Variants in CASS4 observed in about 807,000 individuals in gnomAD.
CASS4 encodes Cas scaffold protein family member 4, also known as cas scaffolding protein family member 4.
In CASS4, 22 loss-of-function variants were observed where a neutral mutation model predicts 54.2. That is an observed-to-expected ratio of 0.41 (90% CI 0.29 to 0.58). The LOEUF is 0.58. Among genes scored for constraint, CASS4 ranks in the 20% least tolerant of loss-of-function variants. The probability of loss-of-function intolerance (pLI) is 0.36; values close to 1 mark genes in which losing one functional copy is unlikely to be tolerated. For missense variants in CASS4, 854 were observed against 986.7 expected (o/e 0.87, Z 1.80); for synonymous variants, 409 against 391.5 (o/e 1.04, Z -0.53).
At chr20:56,432,896 A>AGT (rs1569144377) in intron 1 of CASS4, among the ~76,000 whole-genome samples, 2 of 151,828 alleles carry the variant, frequency 1.3e-5, no homozygotes, top group Non-Finnish European at 2.9e-5. Flanking sequence ...AAGTGTGGGC[A>AGT]GGGGCGTCAC....
chr20:56,448,977 G>A (rs1159182131), intron 3 of CASS4, among the ~76,000 whole-genome samples: 4 of 152,182 alleles, frequency 2.6e-5, no homozygotes, highest in South Asian at 2.1e-4. Flanking sequence ...TGGAGAGGAT[G>A]TGGAGAAATA....
intron 1 of CASS4, among the ~76,000 whole-genome samples, chr20:56,428,828 G>A (rs1259202638): frequency 6.6e-6 from 1 of 152,198 alleles, no homozygotes; most frequent in Admixed American, 6.5e-5. Context: ...GCTACCTGCT[G>A]CTGCATGACC....
chr20:56,425,671 G>A (rs971447941), intron 1 of CASS4, among the ~76,000 whole-genome samples: 9 of 152,210 alleles, frequency 5.9e-5, no homozygotes, highest in African/African-American at 1.7e-4. Context: ...ATTCACCAGC[G>A]CAGGAGTCCT....
chr20:56,458,487 G>A lies in CASS4; in HGVS notation c.2101G>A (p.Glu701Lys). Residue 701 changes from glutamate to lysine, a missense_variant, in exon 6 of 6, where the codon GAG (glutamate) becomes AAG (lysine). By Grantham distance (56) the Glu-to-Lys change is moderately conservative (BLOSUM62 1). Transcript: ENST00000679887. ...HGSLSSSQPA[E>K]IITQSKLVIM... ...CAGCCTCAGCAGCAGCCAGCCCGCG[G>A]AGATCATCACTCAGAGCAAGCTGGT... is the stretch of plus-strand genomic sequence containing the variant. 1 of 1,614,188 alleles carries A rather than the reference G, an allele frequency of 6.2e-7. No individual in the cohort carries two copies.
In CASS4 at chr20:56,418,766, G is replaced by C. The variant is rs115210125; in HGVS notation, c.36+6272G>C. Among the ~76,000 whole-genome samples the C allele has an allele frequency of 8.1e-3, 1,228 of 152,322 alleles. 16 individuals are homozygous for C. Among genetic ancestry groups the C allele is most frequent in the African/African-American group, 0.028 (1,178 of 41,566 alleles). ...AGGAGTAGATAGCTTCTATTTATGTGTGTTACGTTTGATTCAGGAACACAA... is the reference window on the plus strand; with the variant it reads ...AGGAGTAGATAGCTTCTATTTATGTCTGTTACGTTTGATTCAGGAACACAA... On this transcript the variant is annotated intron_variant, in intron 1 of 5. Transcript: ENST00000679887.
At chr20:56,418,715 T>C (rs1979265041) in intron 1 of CASS4, among the ~76,000 whole-genome samples, 1 of 152,164 alleles carries the variant, frequency 6.6e-6, no homozygotes, top group South Asian at 2.1e-4. Flanking sequence ...TGGGGAGTGG[T>C]TGTGAGCAGA....
chr20:56,429,098 C>G (rs1334110859), intron 1 of CASS4, among the ~76,000 whole-genome samples: 1 of 152,212 alleles, frequency 6.6e-6, no homozygotes, highest in Non-Finnish European at 1.5e-5. Context: ...GATTTCCATC[C>G]CAGGAACAGG....
At position 56,450,630 on chromosome 20, in the gene CASS4, C is replaced by A. The variant is rs1031397464; in HGVS notation, c.593C>A (p.Pro198Gln). The A allele has an allele frequency of 6.2e-7, 1 of 1,614,112 alleles. No homozygotes were observed. Residue 198 changes from proline (P) to glutamine (Q), a missense_variant, in exon 4 of 6, where the codon CCA (proline) becomes CAA (glutamine). Pro to Gln is a moderately conservative substitution (Grantham distance 76, BLOSUM62 -1). Coordinates refer to ENST00000679887, the MANE Select transcript of CASS4 (RefSeq NM_020356.4). ...EPEKQQLYDI[P>Q]ASPKKAGLHP... The stretch of plus-strand genomic sequence containing the variant: ...GAGAAGCAGCAGTTATATGACATAC[C>A]AGCCAGCCCCAAGAAGGCAGGACTC...
intron 2 of CASS4, among the ~76,000 whole-genome samples, chr20:56,444,123 C>T (rs1404356969): frequency 1.3e-5 from 2 of 152,148 alleles, no homozygotes; most frequent in African/African-American, 4.8e-5. Flanking sequence ...TGGATTTTTA[C>T]ACTGTGTGCT....
At position 56,447,864 on chromosome 20, in the gene CASS4, C is replaced by T. The variant is rs1347732112; in HGVS notation, c.561+1863C>T. On this transcript the variant is annotated intron_variant, in intron 3 of 5. Coordinates refer to ENST00000679887, the MANE Select transcript of CASS4 (RefSeq NM_020356.4). ...TTGGGTGTAAAAGTTATCAATGGGC[C>T]GGGCGCGGTGGCTCACGCCTGTAAT... 3.9e-5 allele frequency among the ~76,000 whole-genome samples: 6 copies of T among 152,098 alleles called. No individual in the cohort carries two copies. In the South Asian group the frequency reaches 8.3e-4, roughly 21 times the overall value.
At chr20:56,445,078 C>T (rs563031449) in intron 2 of CASS4, among the ~76,000 whole-genome samples, 8 of 152,062 alleles carry the variant, frequency 5.3e-5, no homozygotes, top group African/African-American at 1.7e-4. Context: ...CCATTGCACT[C>T]CAGCCTGGGC....
intron 1 of CASS4, among the ~76,000 whole-genome samples, chr20:56,432,942 T>C (rs1979984543): frequency 2.0e-5 from 3 of 152,076 alleles, no homozygotes; most frequent in Non-Finnish European, 4.4e-5. Context: ...CAGACAGAAA[T>C]AGGAGCGCTC....
intron 2 of CASS4, among the ~76,000 whole-genome samples, chr20:56,439,692 AAAAC>A (rs1354539563): frequency 6.6e-6 from 1 of 152,102 alleles, no homozygotes; most frequent in African/African-American, 2.4e-5. Context: ...AAAAAATAAT[AAAAC>A]AAATGCAGAA....
chr20:56,432,239 A>G (rs897789571), intron 1 of CASS4, among the ~76,000 whole-genome samples: 2 of 152,146 alleles, frequency 1.3e-5, no homozygotes, highest in Non-Finnish European at 2.9e-5. Flanking sequence ...ATTGTTTCAG[A>G]TAATAAACCT....
chr20:56,429,044 G>C (rs1051870672), intron 1 of CASS4, among the ~76,000 whole-genome samples: 1 of 152,180 alleles, frequency 6.6e-6, no homozygotes, highest in Non-Finnish European at 1.5e-5. Flanking sequence ...AGTGCACGTG[G>C]GTGCAGTCAC....
chr20:56,441,621 AT>A (rs1980464681), intron 2 of CASS4, among the ~76,000 whole-genome samples: 2 of 151,936 alleles, frequency 1.3e-5, no homozygotes, highest in Admixed American at 6.6e-5. Flanking sequence ...AATAATAATA[AT>A]TTTTAATTTC....
In CASS4 at chr20:56,412,619, G is replaced by A. The variant is rs556471742; in HGVS notation, c.36+125G>A. 8.5e-5 allele frequency: 83 copies of A among 979,256 alleles called. No homozygotes were observed. The African/African-American group carries it at 1.2e-3, about 14-fold the overall frequency. 60.7% of individuals were successfully genotyped at this position (979,256 alleles called of 1,614,324 possible). ...GAATACCAGTGACGTGTGAGTTGGA[G>A]ATGGGAAAGTTTAACATAAGTTTAA... On this transcript the variant is annotated intron_variant, in intron 1 of 5. Transcript: ENST00000679887. This position sits in a 1 kb window ranked among gnomAD's most constrained non-coding sequence, Gnocchi z 4.2.
In CASS4 at chr20:56,437,438, C is replaced by T; in HGVS notation, c.311C>T (p.Pro104Leu). Residue 104 changes from proline to leucine, a missense_variant, in exon 2 of 6, where the codon CCC (proline) becomes CTC (leucine). Physicochemically the swap from Pro to Leu is moderately conservative, Grantham distance 98. Transcript: ENST00000679887. The surrounding 1 kb of genome is among the most constrained non-coding windows in gnomAD (Gnocchi z 4.7). ...GAGACCTATCAGGTGCCCACTCTAC[C>T]CCGCCCTCCCACTCCAGGCCCCGTT... ...SEETYQVPTL[P>L]RPPTPGPVYE... The T allele has an allele frequency of 6.2e-6, 10 of 1,613,980 alleles. No individual in the cohort carries two copies. The highest frequency in any genetic ancestry group is 8.5e-6 in the Non-Finnish European group (10 of 1,179,918).
At chr20:56,438,208 T>G (rs1027871597) in intron 2 of CASS4, among the ~76,000 whole-genome samples, 6 of 152,062 alleles carry the variant, frequency 3.9e-5, no homozygotes, top group African/African-American at 1.4e-4. Flanking sequence ...GAGGATCGGT[T>G]GAGCCCAGGA....
Sources: allele counts gnomAD v4.1 joint callset (sites outside exome capture counted in the v4.1 genomes callset), GRCh38; gene constraint gnomAD v4.1.1; non-coding constraint Gnocchi (gnomAD v3.1); transcripts MANE v1.5; gene names NCBI Gene and HGNC (gene_info 2026-07-23, HGNC 2026-07-21).